The following GFPT2 variants were observed in gnomAD, a reference collection of about 807,000 sequenced individuals.
GFPT2 encodes glutamine--fructose-6-phosphate transaminase 2.
A neutral mutation model predicts 85.6 loss-of-function variants in GFPT2; 62 were observed. The observed-to-expected ratio is 0.72, with a 90% CI of 0.59 to 0.90. The LOEUF (loss-of-function observed/expected upper bound fraction) is 0.90. Among genes scored for constraint, GFPT2 ranks in the 40% least tolerant of loss-of-function variants. The pLI is 0.00. For synonymous variants in GFPT2, 368 were observed against 344.5 expected (o/e 1.07, Z -0.75); for missense variants, 788 against 893.4 (o/e 0.88, Z 1.50).
At chr5:180,346,969 G>A (rs1046522192) in intron 1 of GFPT2, among the ~76,000 whole-genome samples, 22 of 152,216 alleles carry the variant, frequency 1.4e-4, no homozygotes, top group Non-Finnish European at 3.1e-4. Flanking sequence ...TCTTAGCTTG[G>A]AAATCTCCTT....
At chr5:180,309,193 A>G (rs4700933) in intron 15 of GFPT2, among the ~76,000 whole-genome samples, 52,139 of 151,850 alleles carry the variant, frequency 0.34, 9,443 homozygotes, top group East Asian at 0.49. Flanking sequence ...TTTAAATGTT[A>G]GGAACTGGTC....
intron 9 of GFPT2, 57 bp from the exon 10 acceptor site, chr5:180,319,013 C>A: frequency 6.5e-7 from 1 of 1,546,214 alleles, no homozygotes; most frequent in South Asian, 1.1e-5. Context: ...TACGAGGCAG[C>A]AGCCCCTTGC....
chr5:180,307,765 TC>T (rs572932785), intron 15 of GFPT2, among the ~76,000 whole-genome samples: 4 of 152,286 alleles, frequency 2.6e-5, no homozygotes, highest in African/African-American at 9.6e-5. Flanking sequence ...TTATTGCACA[TC>T]CCCAAGAGCC....
intron 2 of GFPT2, among the ~76,000 whole-genome samples, chr5:180,338,223 C>T (rs1187698322): frequency 1.3e-5 from 2 of 152,192 alleles, no homozygotes; most frequent in East Asian, 1.9e-4. Flanking sequence ...CTTACTCATG[C>T]TGCATGACTG....
chr5:180,330,603 T>C lies in GFPT2; in HGVS notation c.534+97A>G, dbSNP rs1764284267. The C allele has an allele frequency of 1.6e-5, 17 of 1,035,596 alleles. No homozygotes were observed. In the South Asian group the frequency reaches 2.2e-4, roughly 13 times the overall value. 64.2% of individuals were successfully genotyped at this position (1,035,596 alleles called of 1,614,324 possible). ...TGCAAGTTTGTCTAACAAGGGCTTA[T>C]AAAAAATGAAGGATTCCTTGGCACT... On this transcript the variant is annotated intron_variant, in intron 6 of 18. Coordinates refer to ENST00000253778, the MANE Select transcript of GFPT2 (RefSeq NM_005110.4). This position sits in a 1 kb window ranked among gnomAD's most constrained non-coding sequence, Gnocchi z 4.4.
intron 9 of GFPT2, among the ~76,000 whole-genome samples, chr5:180,319,208 G>A (rs1313098256): frequency 1.3e-5 from 2 of 152,180 alleles, no homozygotes; most frequent in Non-Finnish European, 2.9e-5. Flanking sequence ...TTACCATAGA[G>A]CTCTAAAACT....
chr5:180,337,615 C>T (rs181082848), intron 2 of GFPT2, among the ~76,000 whole-genome samples: 204 of 152,210 alleles, frequency 1.3e-3, no homozygotes, highest in African/African-American at 4.7e-3. Flanking sequence ...CAACAGCGAC[C>T]GGAGAAGGGT....
chr5:180,340,299 C>T (rs187945608), intron 1 of GFPT2, among the ~76,000 whole-genome samples: 2,132 of 152,164 alleles, frequency 0.014, 36 homozygotes, highest in Admixed American at 0.03. Context: ...CTCCGCCTCC[C>T]GGGTTCAAGC....
At chr5:180,302,358 G>T (rs924136204) in intron 18 of GFPT2, 65 bp downstream of exon 18, 2 of 1,194,264 alleles carry the variant, frequency 1.7e-6, no homozygotes, top group Non-Finnish European at 1.2e-6. Context: ...AGTATTTAAA[G>T]AACAGAAAGG....
intron 7 of GFPT2, among the ~76,000 whole-genome samples, chr5:180,327,731 G>A (rs531514649): frequency 3.9e-5 from 6 of 152,184 alleles, no homozygotes; most frequent in Non-Finnish European, 8.8e-5. Context: ...ACCTGCTTCT[G>A]TAAATCCATG....
At chr5:180,319,645 G>T (rs1030434804) in intron 9 of GFPT2, among the ~76,000 whole-genome samples, 1 of 152,182 alleles carries the variant, frequency 6.6e-6, no homozygotes, top group East Asian at 1.9e-4. Context: ...GATGGATAAG[G>T]CTGGCAACAC....
At chr5:180,352,002 G>A (rs1327116041) in intron 1 of GFPT2, among the ~76,000 whole-genome samples, 1 of 152,120 alleles carries the variant, frequency 6.6e-6, no homozygotes, top group Non-Finnish European at 1.5e-5. Flanking sequence ...CCTCATCTCT[G>A]CCCCCAGAAA....
intron 1 of GFPT2, among the ~76,000 whole-genome samples, chr5:180,351,778 G>T (rs1764716022): frequency 6.6e-6 from 1 of 152,200 alleles, no homozygotes. Context: ...CCAGTAGGAA[G>T]GAGGATGACA....
At chr5:180,335,606 C>T (rs1764377929) in intron 4 of GFPT2, among the ~76,000 whole-genome samples, 1 of 152,260 alleles carries the variant, frequency 6.6e-6, no homozygotes, top group African/African-American at 2.4e-5. Flanking sequence ...CTGTGCACTC[C>T]TGGGAGGCCA....
In GFPT2 at chr5:180,342,361, T is replaced by C. The variant is rs558366322; in HGVS notation, c.8-3761A>G. On this transcript the variant is annotated intron_variant, in intron 1 of 18. Coordinates refer to ENST00000253778, the MANE Select transcript of GFPT2 (RefSeq NM_005110.4). ...TAAAGCATGCGATTCAGTGGTTTAG[T>C]ATATTCAGAGTTGTGCAATTATCAC... 3.3e-5 allele frequency among the ~76,000 whole-genome samples: 5 copies of C among 152,008 alleles called. No individual in the cohort carries two copies. In the East Asian group the frequency reaches 5.8e-4, roughly 18 times the overall value.
chr5:180,305,726 C>G (rs917972615), intron 16 of GFPT2, among the ~76,000 whole-genome samples: 5 of 152,220 alleles, frequency 3.3e-5, no homozygotes, highest in African/African-American at 1.2e-4. Flanking sequence ...CGTTCAGCCA[C>G]CGCAGCTCAG....
chr5:180,311,684 TG>T lies in GFPT2; in HGVS notation c.1546+745del, dbSNP rs533878432. On this transcript the variant is annotated intron_variant, in intron 15 of 18. Coordinates refer to ENST00000253778, the MANE Select transcript of GFPT2 (RefSeq NM_005110.4). ...GTGTTCACGGAGCCGACATGTTAGT[TG>T]GGGGAGACAGGCCAGTCAACAGGTG... is the stretch of plus-strand genomic sequence containing the variant. Among the ~76,000 whole-genome samples, 33 of 151,526 alleles carry T rather than the reference TG, an allele frequency of 2.2e-4. No homozygotes were observed. In the East Asian group the frequency reaches 5.7e-3, roughly 26 times the overall value.
In GFPT2 at chr5:180,313,974, AG is replaced by A; in HGVS notation, c.1274-11del. The A allele has an allele frequency of 1.3e-6, 2 of 1,589,132 alleles. No individual in the cohort carries two copies. Among genetic ancestry groups the A allele is most frequent in the Non-Finnish European group, 8.5e-7 (1 of 1,174,414 alleles). On this transcript the variant is annotated splice_polypyrimidine_tract_variant and intron_variant, in intron 13 of 18. Transcript: ENST00000253778. ...GTGTCCGCGGTCTCGCCTGCCGCCC[AG>A]GGGCCCTCTCAGTGCCGCGCTCCGC...
At chr5:180,341,679 A>G (rs1037815833) in intron 1 of GFPT2, among the ~76,000 whole-genome samples, 30 of 152,166 alleles carry the variant, frequency 2.0e-4, no homozygotes, top group Non-Finnish European at 2.4e-4. Context: ...GCCAAGGGCA[A>G]TTTTCTCGGT....
Sources: allele counts gnomAD v4.1 joint callset (sites outside exome capture counted in the v4.1 genomes callset), GRCh38; gene constraint gnomAD v4.1.1; non-coding constraint Gnocchi (gnomAD v3.1); transcripts MANE v1.5; gene names NCBI Gene and HGNC (gene_info 2026-07-23, HGNC 2026-07-21).